CACNA1E: variants seen among roughly 807,000 people sequenced by gnomAD.
CACNA1E encodes calcium voltage-gated channel subunit alpha1 E.
Under a neutral mutation model 259.2 loss-of-function variants are expected in CACNA1E, and 40 were observed. That is an observed-to-expected ratio of 0.15 (90% CI 0.12 to 0.20). The LOEUF is 0.20. CACNA1E is among the 10% of genes least tolerant of loss of function. The pLI, the probability that CACNA1E is intolerant of heterozygous loss-of-function variation, is 1.00. For synonymous variants in CACNA1E, 1,104 were observed against 1,138.5 expected (o/e 0.97, Z 0.61); for missense variants, 1,874 against 3,040.1 (o/e 0.62, Z 9.02).
upstream of CACNA1E, among the ~76,000 whole-genome samples, chr1:181,481,588 TCCTTCTTC>T (rs1262002993): frequency 6.6e-6 from 1 of 152,210 alleles, no homozygotes; most frequent in African/African-American, 2.4e-5. Context: ...GCCCCTCCTT[TCCTTCTTC>T]CCTTCCATTG....
intron 7 of CACNA1E, among the ~76,000 whole-genome samples, chr1:181,679,355 A>AT (rs1256353067): frequency 6.6e-6 from 1 of 152,084 alleles, no homozygotes; most frequent in Non-Finnish European, 1.5e-5. Flanking sequence ...GGGGACTAGG[A>AT]TTTTTCACTT....
At chr1:181,742,402 C>T (rs1025497637) in intron 25 of CACNA1E, among the ~76,000 whole-genome samples, 3 of 152,210 alleles carry the variant, frequency 2.0e-5, no homozygotes, top group Non-Finnish European at 2.9e-5. Flanking sequence ...TTACAACTTT[C>T]GTTATCATAT....
intron 19 of CACNA1E, among the ~76,000 whole-genome samples, chr1:181,731,611 C>T (rs1655485568): frequency 6.6e-6 from 1 of 152,154 alleles, no homozygotes; most frequent in South Asian, 2.1e-4. Flanking sequence ...TGTGCGCCCA[C>T]AGGCACAGGC....
In CACNA1E at chr1:181,381,587, T is replaced by C. The variant is rs1232358204; in HGVS notation, c.-14-31546T>C. Among the ~76,000 whole-genome samples the C allele has an allele frequency of 2.6e-5, 4 of 152,164 alleles. No individual in the cohort carries two copies. In the East Asian group the frequency reaches 7.7e-4, roughly 29 times the overall value. On this transcript the variant is annotated intron_variant, in intron 1 of 11. Transcript: ENST00000524607. The stretch of plus-strand genomic sequence containing the variant: ...AAAATGGCTATGTTCGTTATCTTGA[T>C]TTTGGTAATGTTTCATATTGTACTC...
At chr1:181,672,563 G>C (rs1648917791) in intron 7 of CACNA1E, among the ~76,000 whole-genome samples, 1 of 152,188 alleles carries the variant, frequency 6.6e-6, no homozygotes, top group Non-Finnish European at 1.5e-5. Flanking sequence ...AGGACCTAAA[G>C]TGGTCAGAGG....
intron 18 of CACNA1E, among the ~76,000 whole-genome samples, chr1:181,728,954 G>A (rs1655192179): frequency 2.0e-5 from 1 of 50,324 alleles, no homozygotes; most frequent in African/African-American, 9.6e-5. Flanking sequence ...CCCTGCTCAG[G>A]TGTGTGTACA....
At chr1:181,789,011 G>A (rs889979399) in intron 43 of CACNA1E, among the ~76,000 whole-genome samples, 1 of 144,870 alleles carries the variant, frequency 6.9e-6, no homozygotes, top group African/African-American at 2.6e-5. Flanking sequence ...ACCACCCCAG[G>A]CACGTGCTAT....
rs181716126 is a variant in CACNA1E, at chr1:181,522,258, A to T, written c.512+10748A>T. On this transcript the variant is annotated intron_variant, in intron 3 of 47. Coordinates refer to ENST00000367573, the MANE Select transcript of CACNA1E (RefSeq NM_001205293.3). Reference sequence around the variant, plus strand: ...CCAAAACCCAGTCTACAGACCTTATAATCTAGCTGAGCACATGTTAAAGAT... The same window carrying T: ...CCAAAACCCAGTCTACAGACCTTATTATCTAGCTGAGCACATGTTAAAGAT... Among the ~76,000 whole-genome samples, 435 of 152,278 alleles carry T rather than the reference A, an allele frequency of 2.9e-3. 2 individuals are homozygous for T. The highest frequency in any genetic ancestry group is 4.1e-3 in the Non-Finnish European group (278 of 68,016).
chr1:181,739,806 A>G (rs1418568414), intron 25 of CACNA1E, among the ~76,000 whole-genome samples: 2 of 152,206 alleles, frequency 1.3e-5, no homozygotes, highest in African/African-American at 4.8e-5. Flanking sequence ...AGGCTTTCCA[A>G]ACTTTCCTTG....
intron 3 of CACNA1E, among the ~76,000 whole-genome samples, chr1:181,514,600 C>A (rs1343620799): frequency 6.6e-6 from 1 of 152,182 alleles, no homozygotes; most frequent in Admixed American, 6.5e-5. Context: ...CCCACCTCAT[C>A]TCCAGGTGTC....
intron 2 of CACNA1E, 136 bp downstream of exon 2, chr1:181,510,718 A>G: frequency 6.2e-6 from 4 of 646,544 alleles, no homozygotes; most frequent in South Asian, 1.8e-5. Flanking sequence ...GGACAAGCTA[A>G]TGACAGACCC....
intron 3 of CACNA1E, among the ~76,000 whole-genome samples, chr1:181,517,134 C>G (rs1039841694): frequency 6.6e-6 from 1 of 152,164 alleles, no homozygotes; most frequent in African/African-American, 2.4e-5. Context: ...TCCAGCCTGG[C>G]CCTGGGGCAC....
intron 1 of CACNA1E, among the ~76,000 whole-genome samples, chr1:181,346,403 G>C (rs1652597656): frequency 6.6e-6 from 1 of 152,220 alleles, no homozygotes; most frequent in Non-Finnish European, 1.5e-5. Context: ...GGCTACAGAA[G>C]GATAGGGATT....
chr1:181,414,431 A>G (rs547690911), intron 2 of CACNA1E, among the ~76,000 whole-genome samples: 1 of 152,338 alleles, frequency 6.6e-6, no homozygotes, highest in South Asian at 2.1e-4. Flanking sequence ...TGGATGATAC[A>G]AGTAGGGGTA....
At chr1:181,714,040 A>G (rs1653651322) in intron 8 of CACNA1E, among the ~76,000 whole-genome samples, 1 of 152,204 alleles carries the variant, frequency 6.6e-6, no homozygotes, top group African/African-American at 2.4e-5. Context: ...GTGTTCAACA[A>G]TCAGTTAAAT....
intron 1 of CACNA1E, among the ~76,000 whole-genome samples, chr1:181,486,041 A>G (rs1217352076): frequency 6.6e-6 from 1 of 152,214 alleles, no homozygotes; most frequent in Admixed American, 6.5e-5. Flanking sequence ...CGTTTCCTAC[A>G]CCACGTGGTC....
At chr1:181,492,526 T>C (rs1185924252) in intron 1 of CACNA1E, among the ~76,000 whole-genome samples, 1 of 152,192 alleles carries the variant, frequency 6.6e-6, no homozygotes, top group Admixed American at 6.5e-5. Context: ...CTGGTGCAAT[T>C]GTCATGTATC....
chr1:181,789,788 GC>G (rs1159399512), intron 43 of CACNA1E, among the ~76,000 whole-genome samples: 1 of 152,178 alleles, frequency 6.6e-6, no homozygotes, highest in Non-Finnish European at 1.5e-5. Flanking sequence ...TCCCTTGGAG[GC>G]CTCTAAACAA....
At chr1:181,554,529 C>T (rs1234212529) in intron 3 of CACNA1E, among the ~76,000 whole-genome samples, 2 of 152,128 alleles carry the variant, frequency 1.3e-5, no homozygotes, top group Admixed American at 1.3e-4. Context: ...TAGCTTGGAT[C>T]GGTTTATTCC....
Sources: allele counts gnomAD v4.1 joint callset (sites outside exome capture counted in the v4.1 genomes callset), GRCh38; gene constraint gnomAD v4.1.1; transcripts MANE v1.5; gene names NCBI Gene and HGNC (gene_info 2026-07-23, HGNC 2026-07-21).